The following LRRK1 variants were observed in gnomAD, a reference collection of about 807,000 sequenced individuals.
LRRK1 encodes the protein leucine-rich repeat serine/threonine-protein kinase 1.
A neutral mutation model predicts 209.1 loss-of-function variants in LRRK1; 113 were observed. That is an observed-to-expected ratio of 0.54 (90% CI 0.46 to 0.63). The LOEUF (loss-of-function observed/expected upper bound fraction) is 0.63, where lower values mean the gene tolerates loss of function less well. LRRK1 is among the 30% of genes least tolerant of loss of function. The pLI, the probability that LRRK1 is intolerant of heterozygous loss-of-function variation, is 0.00. For synonymous variants in LRRK1, 1,144 were observed against 1,099.7 expected (o/e 1.04, Z -0.80); for missense variants, 2,284 against 2,632.2 (o/e 0.87, Z 2.89).
intron 2 of LRRK1, among the ~76,000 whole-genome samples, chr15:100,953,533 T>TATAC (rs1491326765): frequency 1.0e-3 from 142 of 135,890 alleles, no homozygotes; most frequent in African/African-American, 3.6e-3. Flanking sequence ...TATATATATA[T>TATAC]ACACACATAT....
At chr15:101,016,473 A>G (rs2033543757) in intron 12 of LRRK1, among the ~76,000 whole-genome samples, 2 of 150,156 alleles carry the variant, frequency 1.3e-5, no homozygotes, top group African/African-American at 4.9e-5. Flanking sequence ...GGTGTGAGCC[A>G]CCACGCCCGG....
At chr15:100,925,364 T>A (rs1023567015) in intron 2 of LRRK1, among the ~76,000 whole-genome samples, 1 of 152,232 alleles carries the variant, frequency 6.6e-6, no homozygotes, top group Non-Finnish European at 1.5e-5. Flanking sequence ...ATTCATAAAT[T>A]GGGCAGTACT....
In LRRK1 at chr15:101,062,693, G is replaced by A. The variant is rs774924634; in HGVS notation, c.4914+3G>A. The A allele has an allele frequency of 2.5e-6, 4 of 1,603,534 alleles. No homozygotes were observed. The African/African-American group carries it at 5.4e-5, about 21-fold the overall frequency. Reference sequence around the variant, plus strand: ...TGGCCGTGCCTGTTATTAAAAAGGTGAGGTCGGGGCAAAGGCAGGTATGCA... The same window carrying A: ...TGGCCGTGCCTGTTATTAAAAAGGTAAGGTCGGGGCAAAGGCAGGTATGCA... On this transcript the variant is annotated splice_donor_region_variant and intron_variant, in intron 31 of 33. Coordinates refer to ENST00000388948, the MANE Select transcript of LRRK1 (RefSeq NM_024652.6).
intron 17 of LRRK1, among the ~76,000 whole-genome samples, chr15:101,026,369 C>T (rs568429622): frequency 1.8e-4 from 28 of 152,390 alleles, no homozygotes; most frequent in South Asian, 8.3e-4. Context: ...GCCCCATCCC[C>T]GCCCCAAGGG....
chr15:101,032,196 T>C (rs2141108019), intron 20 of LRRK1, among the ~76,000 whole-genome samples: 1 of 152,358 alleles, frequency 6.6e-6, no homozygotes. Flanking sequence ...TTCTGTGAAG[T>C]GTCTATTCAA....
Position 100,973,881 on chromosome 15 carries a change from C to G in LRRK1, c.175C>G (p.Arg59Gly). ...AARSRRTEGI[R>G]AAYRRGDRGG... ...GCGGTCCCGCAGGACGGAAGGCATCCGCGCCGCGTACAGGCGGGGAGACCG... is the reference window on the plus strand; with the variant it reads ...GCGGTCCCGCAGGACGGAAGGCATCGGCGCCGCGTACAGGCGGGGAGACCG... Residue 59 changes from arginine to glycine, a missense_variant, in exon 3 of 34, where the codon CGC (arginine) becomes GGC (glycine). Around this residue, in one of 6 missense-constraint regions of LRRK1, gnomAD observed 174 missense variants for 133.5 expected, o/e 1.30. Transcript: ENST00000388948. The G allele has an allele frequency of 7.8e-7, 1 of 1,280,224 alleles. No homozygotes were observed. The highest frequency in any genetic ancestry group is 4.2e-5 in the Admixed American group (1 of 24,032). 79.3% of individuals were successfully genotyped at this position (1,280,224 alleles called of 1,614,324 possible).
At chr15:101,060,029 C>G (rs1367510238) in intron 29 of LRRK1, among the ~76,000 whole-genome samples, 1 of 152,182 alleles carries the variant, frequency 6.6e-6, no homozygotes, top group Non-Finnish European at 1.5e-5. Flanking sequence ...GCTCTGAAGA[C>G]TCATCCCAGA....
chr15:101,028,564 G>T (rs1363825747), intron 19 of LRRK1, among the ~76,000 whole-genome samples: 1 of 152,234 alleles, frequency 6.6e-6, no homozygotes, highest in Non-Finnish European at 1.5e-5. Flanking sequence ...GAGTTGTCCT[G>T]TTCAGCCTCC....
chr15:101,006,918 T>C (rs779442569), intron 6 of LRRK1, among the ~76,000 whole-genome samples: 244 of 152,322 alleles, frequency 1.6e-3, no homozygotes, highest in Non-Finnish European at 2.2e-3. Context: ...CCCAGGGCAA[T>C]TGAGTGACTT....
chr15:101,004,551 C>T (rs558633120), intron 6 of LRRK1, among the ~76,000 whole-genome samples: 10 of 152,060 alleles, frequency 6.6e-5, no homozygotes, highest in Non-Finnish European at 1.2e-4. Flanking sequence ...GTGTGCAGTC[C>T]GGGTTCCGGT....
chr15:100,972,485 CTTA>C (rs984078401), intron 2 of LRRK1, among the ~76,000 whole-genome samples: 6 of 150,738 alleles, frequency 4.0e-5, no homozygotes, highest in African/African-American at 1.2e-4. Context: ...TTCAAGAAAA[CTTA>C]TTAGTATTAG....
chr15:101,010,631 A>AT (rs1262738726), intron 8 of LRRK1, 43 bp from the exon 9 acceptor site: 2 of 1,584,076 alleles, frequency 1.3e-6, no homozygotes, highest in South Asian at 1.2e-5. Context: ...TGGTAGGGAT[A>AT]TTTTTACCAA....
chr15:100,940,649 C>A (rs1222317445), intron 2 of LRRK1, among the ~76,000 whole-genome samples: 1 of 152,168 alleles, frequency 6.6e-6, no homozygotes, highest in Non-Finnish European at 1.5e-5. Flanking sequence ...TCCAAGACAT[C>A]AGTAATATTT....
rs761113327 is a variant in LRRK1, at chr15:101,051,758, G to T, written c.3487G>T (p.Val1163Leu). 10 of 1,613,874 alleles carry T rather than the reference G, an allele frequency of 6.2e-6. No homozygotes were observed. Among genetic ancestry groups the T allele is most frequent in the Non-Finnish European group, 8.5e-6 (10 of 1,180,028 alleles). The stretch of plus-strand genomic sequence containing the variant: ...CGGGACGCCACTCATGGAGCAGTAC[G>T]TGCCCTGCCCGGTCTGCGAGACAGC... ...SDGTPLMEQY[V>L]PCPVCETAWA... The change falls in exon 24 of 34, where the codon GTG becomes TTG. Residue 1163 changes from valine to leucine, a missense_variant. Around this residue, in one of 6 missense-constraint regions of LRRK1, gnomAD observed 780 missense variants for 985.2 expected, o/e 0.79. Coordinates refer to ENST00000388948, the MANE Select transcript of LRRK1 (RefSeq NM_024652.6).
intron 26 of LRRK1, 82 bp downstream of exon 26, chr15:101,053,502 T>G: frequency 3.1e-6 from 4 of 1,284,350 alleles, no homozygotes; most frequent in Non-Finnish European, 4.3e-6. Context: ...GGGTAGAGCC[T>G]CAGGTGGCCT....
chr15:100,989,158 T>C (rs887550282), intron 5 of LRRK1, 92 bp from the exon 6 acceptor site: 28 of 1,115,912 alleles, frequency 2.5e-5, no homozygotes, highest in Non-Finnish European at 2.5e-5. Context: ...AAGTACCTTT[T>C]CAGTTTCCAT....
chr15:100,930,747 G>A (rs1596157944), intron 2 of LRRK1, among the ~76,000 whole-genome samples: 1 of 152,188 alleles, frequency 6.6e-6, no homozygotes, highest in East Asian at 1.9e-4. Flanking sequence ...GCCTCCCCAG[G>A]CCCCTGTGCA....
chr15:101,049,594 G>A (rs1345777060), intron 22 of LRRK1, 50 bp from the exon 23 acceptor site: 1 of 1,591,500 alleles, frequency 6.3e-7, no homozygotes, highest in Non-Finnish European at 8.6e-7. Context: ...TCATCCCAGG[G>A]TCCCCCAGAG....
intron 21 of LRRK1, among the ~76,000 whole-genome samples, chr15:101,047,054 C>G (rs752431530): frequency 2.0e-5 from 3 of 152,202 alleles, no homozygotes; most frequent in Non-Finnish European, 4.4e-5. Flanking sequence ...TTTTCACAAC[C>G]CTCCAGGGGA....
Sources: gnomAD v4.1 joint callset for allele counts (sites outside exome capture counted in the v4.1 genomes callset) on GRCh38, gnomAD v4.1.1 for gene constraint, gnomAD v4.1.1 regional missense constraint, MANE v1.5 for transcripts, NCBI Gene and HGNC (gene_info 2026-07-23, HGNC 2026-07-21) for gene names.